Variants in RAB19 observed in about 807,000 individuals in gnomAD.
RAB19 encodes the protein ras-related protein Rab-19.
In RAB19, 21 loss-of-function variants were observed where a neutral mutation model predicts 17.3. The observed-to-expected ratio is 1.21, with a 90% CI of 0.86 to 1.74. The LOEUF (loss-of-function observed/expected upper bound fraction) is 1.74. RAB19 is among the 40% of genes most tolerant of loss of function. RAB19 has a pLI of 0.00. For missense variants in RAB19, 277 were observed against 286.8 expected, an observed-to-expected ratio of 0.97 and a Z score of 0.25; for synonymous variants, 126 against 110.4, an observed-to-expected ratio of 1.14 and a Z score of -0.88.
chr7:140,405,250 C>T (rs1409549915), intron 1 of RAB19, among the ~76,000 whole-genome samples: 2 of 152,002 alleles, frequency 1.3e-5, no homozygotes, highest in Admixed American at 6.6e-5. Context: ...AACGGAGTTT[C>T]GCTCTTGTTG....
At position 140,425,978 on chromosome 7, in the gene RAB19, C is replaced by G. The variant is rs1167249451; in HGVS notation, c.482C>G (p.Ser161Cys). The G allele has an allele frequency of 1.2e-6, 2 of 1,614,194 alleles. No homozygotes were observed. Among genetic ancestry groups the G allele is most frequent in the Admixed American group, 3.3e-5 (2 of 60,020 alleles). Residue 161 changes from serine to cysteine, a missense_variant, in exon 4 of 4, where the codon TCT (serine) becomes TGT (cysteine). By Grantham distance (112) the Ser-to-Cys change is moderately radical. Transcript: ENST00000537763. ...KYGLLAVLETSAKESKNIEEV... is the reference protein window; with the variant it reads ...KYGLLAVLETCAKESKNIEEV... Reference sequence around the variant, plus strand: ...GGCCTCCTGGCCGTTTTGGAGACATCTGCCAAGGAGTCAAAGAACATAGAA... The same window carrying G: ...GGCCTCCTGGCCGTTTTGGAGACATGTGCCAAGGAGTCAAAGAACATAGAA...
chr7:140,425,355 G>A (rs368888142), intron 3 of RAB19, among the ~76,000 whole-genome samples: 9 of 152,028 alleles, frequency 5.9e-5, no homozygotes, highest in Non-Finnish European at 1.3e-4. Flanking sequence ...CCTGATCACA[G>A]TCTACTCAGC....
rs56928355 is a variant in RAB19 at position 140,406,248 on chromosome 7, C to CAA, written c.-23-1356_-23-1355dup. ...GGGCAAGAAGAGTGAAACTCTGTCTCAAAAAAAAAAAAAAAAAAAAAGGAA... is the reference window on the plus strand; with the variant it reads ...GGGCAAGAAGAGTGAAACTCTGTCTCAAAAAAAAAAAAAAAAAAAAAAAGGAA... On this transcript the variant is annotated intron_variant, in intron 1 of 3. Coordinates refer to ENST00000537763, the MANE Select transcript of RAB19 (RefSeq NM_001008749.3). Among the ~76,000 whole-genome samples, 319 of 80,568 alleles carry CAA rather than the reference C, an allele frequency of 4.0e-3. 1 individual carries two copies. Among genetic ancestry groups the CAA allele is most frequent in the African/African-American group, 8.3e-3 (162 of 19,556 alleles). The allele number at this position is 80,568 out of a possible 152,430, so 52.9% of individuals were successfully genotyped here. A position where few individuals can be genotyped will look rare whatever the true frequency, so the allele number is the denominator to read the frequency against.
At chr7:140,425,382 C>T (rs1045355891) in intron 3 of RAB19, among the ~76,000 whole-genome samples, 1 of 152,128 alleles carries the variant, frequency 6.6e-6, no homozygotes, top group South Asian at 2.1e-4. Context: ...AGCTCCATCT[C>T]ACACAGCATC....
chr7:140,418,676 T>C (rs1356425330), intron 3 of RAB19, among the ~76,000 whole-genome samples: 2 of 151,208 alleles, frequency 1.3e-5, no homozygotes, highest in African/African-American at 2.4e-5. Flanking sequence ...CTGAACAACA[T>C]AGGGAGACCC....
chr7:140,422,564 A>G (rs1194936549), intron 3 of RAB19, among the ~76,000 whole-genome samples: 5 of 152,080 alleles, frequency 3.3e-5, no homozygotes, highest in African/African-American at 1.2e-4. Flanking sequence ...CCAAAGGGCC[A>G]TACACAGTAC....
At chr7:140,424,664 T>C (rs1383143853) in intron 3 of RAB19, among the ~76,000 whole-genome samples, 1 of 22,678 alleles carries the variant, frequency 4.4e-5, no homozygotes, top group Non-Finnish European at 7.1e-5. Flanking sequence ...TATGTGTGTG[T>C]ATATATATAT....
At chr7:140,416,791 A>T (rs567110609) in intron 3 of RAB19, among the ~76,000 whole-genome samples, 3 of 152,226 alleles carry the variant, frequency 2.0e-5, no homozygotes, top group Non-Finnish European at 4.4e-5. Context: ...GGAGCAGGTC[A>T]TAAAAGTTAG....
intron 2 of RAB19, among the ~76,000 whole-genome samples, chr7:140,408,686 G>T (rs1168184643): frequency 6.6e-6 from 1 of 151,942 alleles, no homozygotes; most frequent in Non-Finnish European, 1.5e-5. Flanking sequence ...ATGTTGGCCA[G>T]ACTGGTCTCG....
chr7:140,419,945 A>G (rs527373730), intron 3 of RAB19, among the ~76,000 whole-genome samples: 2 of 152,296 alleles, frequency 1.3e-5, no homozygotes, highest in South Asian at 4.1e-4. Flanking sequence ...GTTGTGAAAT[A>G]CTTTTCAAGT....
In RAB19 at chr7:140,404,174, G is replaced by C. The variant is rs553175452; in HGVS notation, c.-67G>C. The C allele has an allele frequency of 6.6e-6, 1 of 152,456 alleles. No individual in the cohort carries two copies. Among genetic ancestry groups the C allele is most frequent in the South Asian group, 2.1e-4 (1 of 4,832 alleles). The allele number at this position is 152,456 out of a possible 1,614,324, so 9.4% of individuals were successfully genotyped here. A position where few individuals can be genotyped will look rare whatever the true frequency, so the allele number is the denominator to read the frequency against. ...CTGAAAAGCAAACCCAGAAGAAAGC[G>C]AAAACATTACCTGCTGACCAGCAGA... On this transcript the variant is annotated 5_prime_UTR_variant, in exon 1 of 4. Transcript: ENST00000537763.
intron 3 of RAB19, among the ~76,000 whole-genome samples, chr7:140,422,150 G>A (rs1563074673): frequency 6.6e-6 from 1 of 152,154 alleles, no homozygotes; most frequent in Non-Finnish European, 1.5e-5. Context: ...ACTTTGGGAG[G>A]CTGAGGTGGG....
chr7:140,416,024 G>C (rs370321778), intron 3 of RAB19, among the ~76,000 whole-genome samples: 1 of 151,976 alleles, frequency 6.6e-6, no homozygotes, highest in South Asian at 2.1e-4. Context: ...GGGCAACATA[G>C]CAAGACCCCA....
In RAB19 at chr7:140,426,324, T is replaced by G. The variant is rs1377215690; in HGVS notation, c.*174T>G. 2 of 674,042 alleles carry G rather than the reference T, an allele frequency of 3.0e-6. No homozygotes were observed. Among genetic ancestry groups the G allele is most frequent in the African/African-American group, 3.6e-5 (2 of 55,270 alleles). 41.8% of individuals were successfully genotyped at this position (674,042 alleles called of 1,614,324 possible). A position where few individuals can be genotyped will look rare whatever the true frequency, so the allele number is the denominator to read the frequency against. On this transcript the variant is annotated 3_prime_UTR_variant, in exon 4 of 4. Transcript: ENST00000537763. ...CTTCTCCCTTGACTCACACCACAGGTCATAGCTGCTGACTCTCAGGAAAAC... is the reference window on the plus strand; with the variant it reads ...CTTCTCCCTTGACTCACACCACAGGGCATAGCTGCTGACTCTCAGGAAAAC...
chr7:140,420,586 C>T (rs1387978235), intron 3 of RAB19, among the ~76,000 whole-genome samples: 1 of 152,016 alleles, frequency 6.6e-6, no homozygotes, highest in Non-Finnish European at 1.5e-5. Flanking sequence ...ATTTTTCAGG[C>T]AGTGGGGTGC....
At chr7:140,425,746 A>C in intron 3 of RAB19, 136 bp from the exon 4 acceptor site, 1 of 935,158 alleles carries the variant, frequency 1.1e-6, no homozygotes. Context: ...GAAACAAAAA[A>C]ATGTGCCCTC....
rs1050491824 is a variant in RAB19, at chr7:140,406,461, G to A, written c.-23-1163G>A. Among the ~76,000 whole-genome samples, 9 of 151,360 alleles carry A rather than the reference G, an allele frequency of 5.9e-5. No individual in the cohort carries two copies. The Admixed American group carries it at 5.9e-4, about 10-fold the overall frequency. Reference sequence around the variant, plus strand: ...TCGAGACCAGCCTGACCAACATGGTGAAACCCCGTCTCTACTAAAAATACA... The same window carrying A: ...TCGAGACCAGCCTGACCAACATGGTAAAACCCCGTCTCTACTAAAAATACA... On this transcript the variant is annotated intron_variant, in intron 1 of 3. Coordinates refer to ENST00000537763, the MANE Select transcript of RAB19 (RefSeq NM_001008749.3).
chr7:140,426,122 C>G lies in RAB19; in HGVS notation c.626C>G (p.Pro209Arg), dbSNP rs775034178. The stretch of plus-strand genomic sequence containing the variant: ...AGCCCCGTTCTTATGGCCCAGGGTC[C>G]AAGTGAAAAGACCCACTGCACTTGC... ...DSSPVLMAQG[P>R]SEKTHCTC Residue 209 changes from proline (P) to arginine (R), a missense_variant, in exon 4 of 4, where the codon CCA (proline) becomes CGA (arginine). Pro to Arg is a moderately radical substitution (Grantham distance 103). Coordinates refer to ENST00000537763, the MANE Select transcript of RAB19 (RefSeq NM_001008749.3). 6.2e-7 allele frequency: 1 copy of G among 1,613,966 alleles called. No homozygotes were observed. The highest frequency in any genetic ancestry group is 1.1e-5 in the South Asian group (1 of 91,060).
intron 3 of RAB19, among the ~76,000 whole-genome samples, chr7:140,416,896 C>T (rs1799467635): frequency 6.6e-6 from 1 of 151,948 alleles, no homozygotes; most frequent in Admixed American, 6.6e-5. Flanking sequence ...TTGAGATCAG[C>T]CCAGGCAACA....
Sources: gnomAD v4.1 joint callset for allele counts (sites outside exome capture counted in the v4.1 genomes callset) on GRCh38, gnomAD v4.1.1 for gene constraint, MANE v1.5 for transcripts, NCBI Gene and HGNC (gene_info 2026-07-23, HGNC 2026-07-21) for gene names.